ANKFN1: variants seen among roughly 807,000 people sequenced by gnomAD.
ANKFN1 encodes ankyrin repeat and fibronectin type-III domain-containing protein 1.
A neutral mutation model predicts 108.7 loss-of-function variants in ANKFN1; 74 were observed. That is an observed-to-expected ratio of 0.68 (90% confidence interval 0.56 to 0.83). The LOEUF (loss-of-function observed/expected upper bound fraction) is 0.83, where lower values mean the gene tolerates loss of function less well. Ranked by LOEUF, ANKFN1 falls within the 40% of genes least tolerant of loss-of-function variation. The pLI is 0.00. For synonymous variants in ANKFN1, 547 were observed against 516.2 expected, an observed-to-expected ratio of 1.06 and a Z score of -0.81; for missense variants, 1,505 against 1,382.3, an observed-to-expected ratio of 1.09 and a Z score of -1.41.
At chr17:56,397,501 C>T (rs1314794494) in intron 8 of ANKFN1, among the ~76,000 whole-genome samples, 1 of 152,172 alleles carries the variant, frequency 6.6e-6, no homozygotes, top group Non-Finnish European at 1.5e-5. Flanking sequence ...AAGTCCATCC[C>T]ACTCTTCAGA....
chr17:56,266,995 C>T (rs74560414), intron 3 of ANKFN1, among the ~76,000 whole-genome samples: 2,320 of 152,166 alleles, frequency 0.015, 21 homozygotes, highest in Middle Eastern at 0.037. Flanking sequence ...GTCATTGATC[C>T]TTATCCTAGT....
chr17:56,198,963 G>A (rs917125609), intron 1 of ANKFN1, among the ~76,000 whole-genome samples: 1 of 152,140 alleles, frequency 6.6e-6, no homozygotes, highest in African/African-American at 2.4e-5. Context: ...ACTTGTTCTT[G>A]CAGATAAATG....
At chr17:56,215,277 C>A (rs1915341240) in intron 2 of ANKFN1, among the ~76,000 whole-genome samples, 1 of 152,178 alleles carries the variant, frequency 6.6e-6, no homozygotes, top group South Asian at 2.1e-4. Flanking sequence ...TATCGCTTAC[C>A]AGCTGTGACT....
chr17:56,351,719 G>C (rs1567936343), intron 5 of ANKFN1, among the ~76,000 whole-genome samples: 1 of 152,164 alleles, frequency 6.6e-6, no homozygotes. Context: ...TTATGTAATA[G>C]AGAATGGCGT....
chr17:56,340,873 A>G lies in ANKFN1; in HGVS notation c.189-9893A>G, dbSNP rs553498227. 7.2e-5 allele frequency among the ~76,000 whole-genome samples: 11 copies of G among 152,150 alleles called. No homozygotes were observed. The South Asian group carries it at 1.9e-3, about 26-fold the overall frequency. On this transcript the variant is annotated intron_variant, in intron 4 of 20. Transcript: ENST00000682825. ...ATGGTAGTTTAATAGGAGTAGCATT[A>G]AATCTATAAATTGCTTTGGGCAGTA...
intron 15 of ANKFN1, 75 bp from the exon 16 acceptor site, chr17:56,477,413 G>A: frequency 7.3e-7 from 1 of 1,375,240 alleles, no homozygotes; most frequent in Middle Eastern, 2.0e-4. Flanking sequence ...GCCTTCCTTA[G>A]AAAGGAAAAG....
intron 4 of ANKFN1, among the ~76,000 whole-genome samples, chr17:56,102,636 T>C (rs950713448): frequency 3.9e-5 from 6 of 152,096 alleles, no homozygotes; most frequent in African/African-American, 1.4e-4. Context: ...TAGCCTTTTT[T>C]TTTTTTCAGG....
chr17:56,400,828 C>A (rs2047738335), intron 8 of ANKFN1, among the ~76,000 whole-genome samples: 1 of 152,064 alleles, frequency 6.6e-6, no homozygotes, highest in Non-Finnish European at 1.5e-5. Context: ...ATCCCAGCAC[C>A]ATTTGTTGAA....
intron 3 of ANKFN1, among the ~76,000 whole-genome samples, chr17:56,304,288 A>G (rs2044755119): frequency 6.6e-6 from 1 of 152,188 alleles, no homozygotes; most frequent in African/African-American, 2.4e-5. Context: ...TTTTTCACTC[A>G]GGATAACTCA....
chr17:56,079,416 A>C (rs1257704542), intron 4 of ANKFN1, among the ~76,000 whole-genome samples: 1 of 152,230 alleles, frequency 6.6e-6, no homozygotes, highest in African/African-American at 2.4e-5. Flanking sequence ...GGATGATACC[A>C]GCAGTGGGGC....
intron 18 of ANKFN1, 53 bp from the exon 19 acceptor site, chr17:56,492,134 T>A: frequency 1.5e-6 from 1 of 675,656 alleles, no homozygotes; most frequent in South Asian, 1.5e-5. Context: ...TATGAATTTC[T>A]CTATTTTGAT....
chr17:56,186,408 G>C lies in ANKFN1; in HGVS notation c.-70-26190G>C, dbSNP rs543143324. 3.9e-5 allele frequency among the ~76,000 whole-genome samples: 6 copies of C among 151,938 alleles called. No homozygotes were observed. The East Asian group carries it at 1.2e-3, about 29-fold the overall frequency. On this transcript the variant is annotated intron_variant, in intron 1 of 20. Transcript: ENST00000682825. The stretch of plus-strand genomic sequence containing the variant: ...CAATAACGTGAGTTAAGAATGATCT[G>C]TGTTGTGATACCATTTTACAGTTCA...
chr17:56,105,622 CTG>C (rs1180807302), intron 4 of ANKFN1, among the ~76,000 whole-genome samples: 11 of 151,354 alleles, frequency 7.3e-5, no homozygotes, highest in Admixed American at 5.3e-4. Flanking sequence ...TCCTCTCTGT[CTG>C]TCATTTTTCT....
chr17:56,456,491 G>A (rs1037696442), intron 11 of ANKFN1, among the ~76,000 whole-genome samples: 1 of 141,162 alleles, frequency 7.1e-6, no homozygotes, highest in African/African-American at 2.6e-5. Flanking sequence ...TCTGCCTCCC[G>A]GGTTCAAGCG....
At chr17:56,110,252 G>A (rs1041952250) in intron 4 of ANKFN1, among the ~76,000 whole-genome samples, 1 of 152,094 alleles carries the variant, frequency 6.6e-6, no homozygotes, top group Non-Finnish European at 1.5e-5. Context: ...ATCTTTTCTA[G>A]CTCAGGGTCT....
chr17:56,407,676 G>A (rs2047961092), intron 8 of ANKFN1, among the ~76,000 whole-genome samples: 1 of 151,948 alleles, frequency 6.6e-6, no homozygotes, highest in Admixed American at 6.6e-5. Flanking sequence ...AAGTACCATA[G>A]GACTAAAAAT....
At chr17:56,055,582 T>TATATATATATACACACAC in intron 4 of ANKFN1, among the ~76,000 whole-genome samples, 1 of 112,516 alleles carries the variant, frequency 8.9e-6, no homozygotes, top group African/African-American at 4.5e-5. Context: ...TATATATATA[T>TATATATATATACACACAC]ATATATGTAT....
upstream of ANKFN1, among the ~76,000 whole-genome samples, chr17:56,152,262 A>ATGTGTGTGTGTGTGTGTGTG: frequency 1.3e-5 from 1 of 77,834 alleles, no homozygotes; most frequent in South Asian, 6.4e-4. Context: ...ATATATATAT[A>ATGTGTGTGTGTGTGTGTGTG]TGTGTGTGTG....
chr17:56,066,168 G>A (rs1905055947), intron 4 of ANKFN1, among the ~76,000 whole-genome samples: 1 of 152,226 alleles, frequency 6.6e-6, no homozygotes, highest in African/African-American at 2.4e-5. Context: ...CATGCATGGT[G>A]CTACACAAAA....
Sources: allele counts gnomAD v4.1 joint callset (sites outside exome capture counted in the v4.1 genomes callset), GRCh38; gene constraint gnomAD v4.1.1; transcripts MANE v1.5; gene names NCBI Gene and HGNC (gene_info 2026-07-23, HGNC 2026-07-21).